CDH20: variants seen among roughly 807,000 people sequenced by gnomAD.
CDH20 encodes cadherin 20, also known as cadherin-20.
A neutral mutation model predicts 74.2 loss-of-function variants in CDH20; 29 were observed. That is an observed-to-expected ratio of 0.39 (90% CI 0.29 to 0.53). The LOEUF (loss-of-function observed/expected upper bound fraction) is 0.53. Ranked by LOEUF, CDH20 falls within the 20% of genes least tolerant of loss-of-function variation. The pLI is 0.69. For synonymous variants in CDH20, 469 were observed against 405.4 expected (o/e 1.16, Z -1.88); for missense variants, 988 against 1,048.3 (o/e 0.94, Z 0.79).
At chr18:61,530,391 ACTTT>A (rs1306425423) in intron 7 of CDH20, among the ~76,000 whole-genome samples, 3 of 152,192 alleles carry the variant, frequency 2.0e-5, no homozygotes, top group African/African-American at 7.2e-5. Context: ...TATTAAAGTT[ACTTT>A]CTTTTAAAAT....
At chr18:61,483,158 G>A (rs1241649198) in intron 1 of CDH20, among the ~76,000 whole-genome samples, 1 of 152,066 alleles carries the variant, frequency 6.6e-6, no homozygotes, top group Admixed American at 6.6e-5. Flanking sequence ...TGTTTTTTAA[G>A]GGGTCCTGTA....
intron 1 of CDH20, among the ~76,000 whole-genome samples, chr18:61,386,540 A>AC (rs1337580361): frequency 6.6e-6 from 1 of 152,158 alleles, no homozygotes; most frequent in Non-Finnish European, 1.5e-5. Context: ...GAATTAAGAC[A>AC]CCCTTTGGTG....
chr18:61,547,834 T>C lies in CDH20; in HGVS notation c.1649-2144T>C, dbSNP rs531448785. On this transcript the variant is annotated intron_variant, in intron 10 of 11. Transcript: ENST00000262717. ...CAACAAAAATTTTCCAAGTGGCTAC[T>C]ATATGCCAGGCCCCTTCCAGCACTG... Among the ~76,000 whole-genome samples, 4 of 152,222 alleles carry C rather than the reference T, an allele frequency of 2.6e-5. No homozygotes were observed. The South Asian group carries it at 6.2e-4, about 24-fold the overall frequency.
intron 1 of CDH20, among the ~76,000 whole-genome samples, chr18:61,402,641 G>A (rs1912194213): frequency 6.6e-6 from 1 of 152,058 alleles, no homozygotes; most frequent in Admixed American, 6.6e-5. Context: ...AGGATTCCAG[G>A]TACTATAACC....
rs888330272 is a variant in CDH20, at chr18:61,546,591, G to C, written c.1648+1447G>C. 1.9e-3 allele frequency among the ~76,000 whole-genome samples: 280 copies of C among 148,586 alleles called. 1 individual carries two copies. The highest frequency in any genetic ancestry group is 1.8e-3 in the Non-Finnish European group (121 of 67,988). ...GGCTTTACAAAGGCAACCCTGGGGA[G>C]GGAAAATAACACATTGTAACACATT... is the stretch of plus-strand genomic sequence containing the variant. On this transcript the variant is annotated intron_variant, in intron 10 of 11. Coordinates refer to ENST00000262717, the MANE Select transcript of CDH20 (RefSeq NM_031891.4).
intron 11 of CDH20, among the ~76,000 whole-genome samples, chr18:61,553,097 A>G (rs549838795): frequency 6.6e-6 from 1 of 152,328 alleles, no homozygotes; most frequent in African/African-American, 2.4e-5. Flanking sequence ...AAAAAAGCAC[A>G]TCTACATTCA....
intron 1 of CDH20, among the ~76,000 whole-genome samples, chr18:61,363,486 T>A (rs1910765030): frequency 6.6e-6 from 1 of 152,330 alleles, no homozygotes; most frequent in East Asian, 1.9e-4. Flanking sequence ...CATAGATGAA[T>A]AAGAGACGTC....
intron 1 of CDH20, among the ~76,000 whole-genome samples, chr18:61,420,913 G>A (rs1431438674): frequency 6.6e-6 from 1 of 152,048 alleles, no homozygotes. Flanking sequence ...AACTAGCTGG[G>A]CGTGTGGCGT....
At chr18:61,363,892 CG>C (rs1313594409) in intron 1 of CDH20, among the ~76,000 whole-genome samples, 1 of 152,024 alleles carries the variant, frequency 6.6e-6, no homozygotes, top group Non-Finnish European at 1.5e-5. Context: ...GATCCTCCCC[CG>C]GGTGAATTTT....
chr18:61,492,074 A>G (rs1420192420), intron 2 of CDH20, among the ~76,000 whole-genome samples: 2 of 152,088 alleles, frequency 1.3e-5, no homozygotes, highest in Non-Finnish European at 2.9e-5. Flanking sequence ...ACTTTGGGTT[A>G]TAAATTCTAC....
At chr18:61,536,254 G>A (rs1350544145) in intron 7 of CDH20, among the ~76,000 whole-genome samples, 6 of 152,158 alleles carry the variant, frequency 3.9e-5, no homozygotes, top group Middle Eastern at 3.4e-3. Context: ...CAAGACTGTC[G>A]GCACCCTGTT....
In CDH20 at chr18:61,555,413, T is replaced by A; in HGVS notation, c.*718T>A. The stretch of plus-strand genomic sequence containing the variant: ...GTGCTCGTGTCTCCTCTCAGCTATT[T>A]AACTGTGCCCCTGCAAAATTGTTCA... On this transcript the variant is annotated 3_prime_UTR_variant, in exon 12 of 12. Coordinates refer to ENST00000262717, the MANE Select transcript of CDH20 (RefSeq NM_031891.4). The A allele has an allele frequency of 1.0e-6, 1 of 985,460 alleles. No individual in the cohort carries two copies. Among genetic ancestry groups the A allele is most frequent in the Non-Finnish European group, 1.2e-6 (1 of 829,942 alleles). The allele number at this position is 985,460 out of a possible 1,614,324, so 61.0% of individuals were successfully genotyped here.
intron 7 of CDH20, among the ~76,000 whole-genome samples, chr18:61,528,446 GACAC>G (rs1555683467): frequency 1.7e-4 from 17 of 97,710 alleles, no homozygotes; most frequent in African/African-American, 3.3e-4. Context: ...AATTGGTTGA[GACAC>G]ACACACACAC....
chr18:61,523,635 C>T (rs1010627612), intron 6 of CDH20, among the ~76,000 whole-genome samples: 4 of 152,196 alleles, frequency 2.6e-5, no homozygotes, highest in Non-Finnish European at 5.9e-5. Flanking sequence ...TTTATTACAG[C>T]ACTGTTCACA....
intron 1 of CDH20, among the ~76,000 whole-genome samples, chr18:61,430,117 T>G (rs755540424): frequency 1.3e-5 from 2 of 152,152 alleles, no homozygotes; most frequent in Non-Finnish European, 2.9e-5. Context: ...CTTTTTTATT[T>G]TATTGTTTTT....
At chr18:61,334,255 C>A (rs1909673116) in intron 1 of CDH20, 1 of 152,128 alleles carries the variant, frequency 6.6e-6, no homozygotes, top group Non-Finnish European at 1.5e-5. Context: ...GACAGGGTGG[C>A]CGCGTCCCTC....
At position 61,333,695 on chromosome 18, in the gene CDH20, C is replaced by A. The variant is rs1909644767; in HGVS notation, c.-285C>A. On this transcript the variant is annotated 5_prime_UTR_variant, in exon 1 of 12. Transcript: ENST00000262717. ...GGGGTAGGGGGGTGGGGGGCGGGGA[C>A]AGCGCCGCGAGCAGGGGTGAAGAGA... 1 of 151,738 alleles carries A rather than the reference C, an allele frequency of 6.6e-6. No individual in the cohort carries two copies. The highest frequency in any genetic ancestry group is 1.5e-5 in the Non-Finnish European group (1 of 68,114). 9.4% of individuals were successfully genotyped at this position (151,738 alleles called of 1,614,324 possible). A position where few individuals can be genotyped will look rare whatever the true frequency, so the allele number is the denominator to read the frequency against.
intron 1 of CDH20, among the ~76,000 whole-genome samples, chr18:61,431,428 GATTC>G (rs1913251172): frequency 6.6e-6 from 1 of 152,238 alleles, no homozygotes; most frequent in Non-Finnish European, 1.5e-5. Context: ...TATCAATACT[GATTC>G]ATTAACTAAT....
At chr18:61,516,135 C>A (rs774504269) in intron 6 of CDH20, among the ~76,000 whole-genome samples, 1 of 152,186 alleles carries the variant, frequency 6.6e-6, no homozygotes, top group Non-Finnish European at 1.5e-5. Flanking sequence ...GGAGAAGCAA[C>A]GCTATTTCTA....
Sources: gnomAD v4.1 joint callset for allele counts (sites outside exome capture counted in the v4.1 genomes callset) on GRCh38, gnomAD v4.1.1 for gene constraint, MANE v1.5 for transcripts, NCBI Gene and HGNC (gene_info 2026-07-23, HGNC 2026-07-21) for gene names.